The following MACROD2 variants were observed in gnomAD, a reference collection of about 807,000 sequenced individuals.
MACROD2 encodes mono-ADP ribosylhydrolase 2, also known as ADP-ribose glycohydrolase MACROD2.
Under a neutral mutation model 70.4 loss-of-function variants are expected in MACROD2, and 36 were observed. The observed-to-expected ratio is 0.51, with a 90% CI of 0.39 to 0.68. The LOEUF (loss-of-function observed/expected upper bound fraction) is 0.68. Among genes scored for constraint, MACROD2 ranks in the 30% least tolerant of loss-of-function variants. The probability of loss-of-function intolerance (pLI) is 0.00; values close to 1 mark genes in which losing one functional copy is unlikely to be tolerated. For synonymous variants in MACROD2, 172 were observed against 178.8 expected (o/e 0.96, Z 0.30); for missense variants, 496 against 538.4 (o/e 0.92, Z 0.78).
chr20:15,569,861 A>G (rs187581438), intron 8 of MACROD2, among the ~76,000 whole-genome samples: 1 of 152,084 alleles, frequency 6.6e-6, no homozygotes, highest in African/African-American at 2.4e-5. Context: ...GTATATATAT[A>G]CCACATTTTA....
intron 9 of MACROD2, among the ~76,000 whole-genome samples, chr20:15,869,568 C>T (rs6079998): frequency 6.6e-6 from 1 of 151,858 alleles, no homozygotes; most frequent in African/African-American, 2.4e-5. Context: ...GTTTGTATGC[C>T]TTAAAAATGA....
chr20:14,536,580 T>G (rs1184833166), intron 4 of MACROD2, among the ~76,000 whole-genome samples: 1 of 151,920 alleles, frequency 6.6e-6, no homozygotes, highest in South Asian at 2.1e-4. Context: ...TTTTTATCTT[T>G]GAACAAAATC....
chr20:14,591,904 A>G (rs767613245), intron 4 of MACROD2, among the ~76,000 whole-genome samples: 49 of 152,258 alleles, frequency 3.2e-4, no homozygotes, highest in Admixed American at 7.2e-4. Context: ...GAGTGAGAAT[A>G]CATTTAAGTG....
intron 8 of MACROD2, among the ~76,000 whole-genome samples, chr20:15,778,774 AAC>A (rs1232063942): frequency 6.6e-6 from 1 of 152,080 alleles, no homozygotes; most frequent in Non-Finnish European, 1.5e-5. Context: ...ATTATCTATA[AAC>A]ACAGAATATT....
intron 3 of MACROD2, among the ~76,000 whole-genome samples, chr20:14,352,800 A>G (rs932483879): frequency 6.6e-6 from 1 of 151,812 alleles, no homozygotes; most frequent in African/African-American, 2.4e-5. Flanking sequence ...TTTAGTAGAT[A>G]AACATGGAAG....
At chr20:14,797,888 T>A (rs1187874445) in intron 5 of MACROD2, among the ~76,000 whole-genome samples, 1 of 152,068 alleles carries the variant, frequency 6.6e-6, no homozygotes, top group Non-Finnish European at 1.5e-5. Flanking sequence ...AATGAATGAA[T>A]GGTGTCGAGA....
At chr20:14,001,353 C>T (rs2052730680) in intron 1 of MACROD2, among the ~76,000 whole-genome samples, 1 of 151,930 alleles carries the variant, frequency 6.6e-6, no homozygotes, top group Non-Finnish European at 1.5e-5. Context: ...TTCTAAGATG[C>T]AATTTGTAAA....
chr20:14,377,546 A>G (rs1379163604), intron 3 of MACROD2, among the ~76,000 whole-genome samples: 1 of 152,192 alleles, frequency 6.6e-6, no homozygotes, highest in Non-Finnish European at 1.5e-5. Flanking sequence ...TACAAATACA[A>G]TTTCTGTAGA....
chr20:14,808,983 A>G (rs867215840), intron 5 of MACROD2, among the ~76,000 whole-genome samples: 7 of 152,218 alleles, frequency 4.6e-5, no homozygotes, highest in African/African-American at 1.7e-4. Flanking sequence ...CTACACAATA[A>G]TAGTGGGAGA....
intron 5 of MACROD2, among the ~76,000 whole-genome samples, chr20:15,125,464 ATTCATTCATTCAACC>A: frequency 6.6e-6 from 1 of 152,122 alleles, no homozygotes; most frequent in Non-Finnish European, 1.5e-5. Flanking sequence ...TCATTCATTT[ATTCATTCATTCAACC>A]AACATTTATC....
chr20:14,055,065 T>A (rs1261941824), intron 2 of MACROD2, among the ~76,000 whole-genome samples: 1 of 152,176 alleles, frequency 6.6e-6, no homozygotes, highest in Non-Finnish European at 1.5e-5. Context: ...CAAAGCTAGT[T>A]TATAAAATTA....
At chr20:15,829,568 G>T (rs576568551) in intron 8 of MACROD2, among the ~76,000 whole-genome samples, 27 of 152,252 alleles carry the variant, frequency 1.8e-4, no homozygotes, top group African/African-American at 6.0e-4. Context: ...GTAGGCTCCA[G>T]TTGGTTCCTT....
At chr20:15,641,177 A>C (rs1019040193) in intron 8 of MACROD2, among the ~76,000 whole-genome samples, 5 of 152,226 alleles carry the variant, frequency 3.3e-5, no homozygotes, top group African/African-American at 1.2e-4. Context: ...TTGCGAATCA[A>C]GGTCCCTTGA....
intron 6 of MACROD2, among the ~76,000 whole-genome samples, chr20:15,353,338 A>G (rs1203000763): frequency 6.6e-6 from 1 of 152,232 alleles, no homozygotes; most frequent in Non-Finnish European, 1.5e-5. Context: ...CTTACACCTT[A>G]TACAAAAATT....
intron 5 of MACROD2, among the ~76,000 whole-genome samples, chr20:15,063,000 T>C (rs1266610904): frequency 6.6e-6 from 1 of 152,228 alleles, no homozygotes; most frequent in Non-Finnish European, 1.5e-5. Flanking sequence ...TGCAGACTGC[T>C]CAGCTAGACC....
At chr20:15,910,111 C>T (rs933660937) in intron 10 of MACROD2, among the ~76,000 whole-genome samples, 1 of 152,112 alleles carries the variant, frequency 6.6e-6, no homozygotes, top group African/African-American at 2.4e-5. Flanking sequence ...CTCAAAACCC[C>T]TGGTTCTGTT....
chr20:14,534,139 G>A lies in MACROD2; in HGVS notation c.301+40631G>A, dbSNP rs112639347. On this transcript the variant is annotated intron_variant, in intron 4 of 17. Coordinates refer to ENST00000684519, the MANE Select transcript of MACROD2 (RefSeq NM_001351661.2). ...ATTACACGTATGTTTCTTGAGGATGGTGTGGAGATCCAGCTGTGAAAGCCT... is the reference window on the plus strand; with the variant it reads ...ATTACACGTATGTTTCTTGAGGATGATGTGGAGATCCAGCTGTGAAAGCCT... Among the ~76,000 whole-genome samples the A allele has an allele frequency of 9.6e-3, 1,458 of 152,282 alleles. 13 individuals are homozygous for A. The highest frequency in any genetic ancestry group is 0.011 in the Non-Finnish European group (770 of 68,030).
At chr20:15,204,492 A>G (rs986167881) in intron 5 of MACROD2, among the ~76,000 whole-genome samples, 1 of 152,114 alleles carries the variant, frequency 6.6e-6, no homozygotes, top group Admixed American at 6.5e-5. Context: ...GTGTTGTAGT[A>G]TATCAGAGAT....
At chr20:14,147,658 G>T (rs2054959299) in intron 3 of MACROD2, among the ~76,000 whole-genome samples, 1 of 152,100 alleles carries the variant, frequency 6.6e-6, no homozygotes, top group African/African-American at 2.4e-5. Flanking sequence ...AGTAAATTTA[G>T]ATAGAAAAGC....
Sources: gnomAD v4.1 joint callset for allele counts (sites outside exome capture counted in the v4.1 genomes callset) on GRCh38, gnomAD v4.1.1 for gene constraint, MANE v1.5 for transcripts, NCBI Gene and HGNC (gene_info 2026-07-23, HGNC 2026-07-21) for gene names.